Variants in CLDN14 observed in about 807,000 individuals in gnomAD.
CLDN14 encodes claudin-14.
Under a neutral mutation model 2.1 loss-of-function variants are expected in CLDN14, and 2 were observed. The observed-to-expected ratio is 0.96, with a 90% CI of 0.39 to 3.01. CLDN14 has a LOEUF of 3.01. Among genes scored for constraint, CLDN14 ranks in the 30% most tolerant of loss-of-function variants. The pLI is 0.09. For missense variants in CLDN14, 298 were observed against 328.0 expected (o/e 0.91, Z 0.71); for synonymous variants, 136 against 154.4 (o/e 0.88, Z 0.88).
intron 1 of CLDN14, among the ~76,000 whole-genome samples, chr21:36,478,516 T>C (rs1173996476): frequency 1.3e-5 from 2 of 152,176 alleles, no homozygotes; most frequent in African/African-American, 4.8e-5. Flanking sequence ...CTATGGAAGT[T>C]TTATCATCCT....
At chr21:36,506,237 C>T (rs901575903) in intron 2 of CLDN14, among the ~76,000 whole-genome samples, 7 of 152,202 alleles carry the variant, frequency 4.6e-5, no homozygotes, top group Non-Finnish European at 8.8e-5. Flanking sequence ...AGTTCCAAGA[C>T]ACAATGTTAA....
At chr21:36,567,848 T>G (rs187658792) in intron 1 of CLDN14, among the ~76,000 whole-genome samples, 1 of 152,278 alleles carries the variant, frequency 6.6e-6, no homozygotes, top group Non-Finnish European at 1.5e-5. Context: ...ATTCATTTTT[T>G]TTTTCATACA....
At chr21:36,468,985 C>G (rs1344386771) in intron 1 of CLDN14, among the ~76,000 whole-genome samples, 6 of 152,050 alleles carry the variant, frequency 3.9e-5, no homozygotes, top group Admixed American at 3.9e-4. Flanking sequence ...GTCTTGAACT[C>G]CTGGCCTCAA....
At chr21:36,501,332 CTTTTTTTTTT>C (rs58458004) in intron 2 of CLDN14, among the ~76,000 whole-genome samples, 4,129 of 48,158 alleles carry the variant, frequency 0.086, 156 homozygotes, top group South Asian at 0.16. Flanking sequence ...CAATATCTCA[CTTTTTTTTTT>C]TTTTTTTTTT....
chr21:36,523,169 C>T (rs1601622633), intron 1 of CLDN14, among the ~76,000 whole-genome samples: 3 of 152,160 alleles, frequency 2.0e-5, no homozygotes, highest in South Asian at 2.1e-4. Context: ...ACATTTCTCC[C>T]GATTGCCTTT....
rs1339304207 is a variant in CLDN14 at position 36,544,811 on chromosome 21, C to T, written c.-220+31600G>A. Reference sequence around the variant, plus strand: ...ACATCCGCGAAGTAAGACATGTGCACAGAGCAACCATGTGAAAACAATTAG... The same window carrying T: ...ACATCCGCGAAGTAAGACATGTGCATAGAGCAACCATGTGAAAACAATTAG... On this transcript the variant is annotated intron_variant, in intron 1 of 2. Coordinates refer to the CLDN14 transcript ENST00000342108. The surrounding 1 kb of genome is among the most constrained non-coding windows in gnomAD (Gnocchi z 4.1). Among the ~76,000 whole-genome samples the T allele has an allele frequency of 1.3e-5, 2 of 152,184 alleles. No individual in the cohort carries two copies. Among genetic ancestry groups the T allele is most frequent in the Non-Finnish European group, 2.9e-5 (2 of 68,038 alleles).
At chr21:36,482,371 C>CGGATGGAT (rs59947271), upstream of CLDN14, among the ~76,000 whole-genome samples, 971 of 137,034 alleles carry the variant, frequency 7.1e-3, 11 homozygotes, top group African/African-American at 0.026. Flanking sequence ...GATAGACTGA[C>CGGATGGAT]GGATGGATGG....
chr21:36,573,419 G>T (rs2087722894), intron 1 of CLDN14, among the ~76,000 whole-genome samples: 1 of 152,058 alleles, frequency 6.6e-6, no homozygotes, highest in Non-Finnish European at 1.5e-5. Context: ...ACAAAGTTCT[G>T]GGGCCCATTT....
intron 1 of CLDN14, among the ~76,000 whole-genome samples, chr21:36,478,051 T>C (rs1380343836): frequency 6.6e-6 from 1 of 152,356 alleles, no homozygotes; most frequent in African/African-American, 2.4e-5. Context: ...TCTTTTCTGA[T>C]ATATAGGCAA....
At chr21:36,496,072 T>G (rs1228012745) in intron 2 of CLDN14, among the ~76,000 whole-genome samples, 2 of 152,150 alleles carry the variant, frequency 1.3e-5, no homozygotes, top group Non-Finnish European at 2.9e-5. Context: ...TCGGTTGTTT[T>G]AAGCCATCGA....
At chr21:36,477,003 C>T (rs1260714270) in intron 1 of CLDN14, among the ~76,000 whole-genome samples, 1 of 152,236 alleles carries the variant, frequency 6.6e-6, no homozygotes, top group Non-Finnish European at 1.5e-5. Context: ...CCAGATTGTG[C>T]ATTTGCTCTG....
At chr21:36,463,596 C>T (rs2086607519) in intron 1 of CLDN14, among the ~76,000 whole-genome samples, 3 of 152,168 alleles carry the variant, frequency 2.0e-5, no homozygotes, top group Admixed American at 2.0e-4. Context: ...ACCTGTCATC[C>T]CAGCTACTCA....
chr21:36,524,898 G>A (rs565987450), intron 1 of CLDN14, among the ~76,000 whole-genome samples: 2 of 152,312 alleles, frequency 1.3e-5, no homozygotes, highest in South Asian at 4.1e-4. Flanking sequence ...CCATGTTGTG[G>A]ATGCAAGGCA....
rs746116036 is a variant in CLDN14 at position 36,486,317 on chromosome 21, C to A, written c.-82+24046G>T. ...CAAACTCTTGTTGGCTAATGGTCAT[C>A]TTCAGCAGGACCTCGTCTGAGCCTT... On this transcript the variant is annotated intron_variant, in intron 2 of 2. Transcript: ENST00000342108. 8 of 812,530 alleles carry A rather than the reference C, an allele frequency of 9.8e-6. No individual in the cohort carries two copies. The East Asian group carries it at 2.0e-4, about 20-fold the overall frequency. 50.3% of individuals were successfully genotyped at this position (812,530 alleles called of 1,614,324 possible). A position where few individuals can be genotyped will look rare whatever the true frequency, so the allele number is the denominator to read the frequency against.
At chr21:36,462,923 A>G (rs2086597141) in intron 1 of CLDN14, among the ~76,000 whole-genome samples, 1 of 147,472 alleles carries the variant, frequency 6.8e-6, no homozygotes, top group African/African-American at 2.6e-5. Flanking sequence ...GTCTCAAAAA[A>G]ACAAAACAAG....
At chr21:36,515,523 A>G (rs1055140491) in intron 1 of CLDN14, among the ~76,000 whole-genome samples, 1 of 151,772 alleles carries the variant, frequency 6.6e-6, no homozygotes, top group South Asian at 2.1e-4. Flanking sequence ...AAATACAAAA[A>G]TGATCTGGGC....
rs2086562838 is a variant in CLDN14 at position 36,461,100 on chromosome 21, C to G, written c.596G>C (p.Arg199Thr). ...GGTGTTTGCAGTGGTCGTGGTGGCC[C>G]TGGGCGGGGCCTGGTAGGGCCTGTA... ...APYRPYQAPP[R>T]ATTTTANTAP... Residue 199 changes from arginine (R) to threonine (T), a missense_variant, in exon 2 of 2, where the codon AGG becomes ACG. By Grantham distance (71) the Arg-to-Thr change is moderately conservative. Coordinates refer to ENST00000399135, the MANE Select transcript of CLDN14 (RefSeq NM_001146079.2). The G allele has an allele frequency of 1.2e-6, 2 of 1,614,164 alleles. No homozygotes were observed. The highest frequency in any genetic ancestry group is 4.5e-5 in the East Asian group (2 of 44,868).
intron 1 of CLDN14, among the ~76,000 whole-genome samples, chr21:36,522,551 A>C (rs2087279399): frequency 6.6e-6 from 1 of 152,202 alleles, no homozygotes; most frequent in African/African-American, 2.4e-5. Flanking sequence ...AACCCCACAC[A>C]ACCCACTGCG....
At chr21:36,489,157 TGGAGAGAGAGAGAGAGAGAAAGAGA>T (rs2086935148) in intron 2 of CLDN14, among the ~76,000 whole-genome samples, 1 of 117,070 alleles carries the variant, frequency 8.5e-6, no homozygotes, top group Non-Finnish European at 1.7e-5. Flanking sequence ...TATATATATA[TGGAGAGAGAGAGAGAGAGAAAGAGA>T]ATGGGGGGCG....
Sources: allele counts gnomAD v4.1 joint callset (sites outside exome capture counted in the v4.1 genomes callset), GRCh38; gene constraint gnomAD v4.1.1; non-coding constraint Gnocchi (gnomAD v3.1); transcripts MANE v1.5; gene names NCBI Gene and HGNC (gene_info 2026-07-23, HGNC 2026-07-21).